PPP1R13L: variants seen among roughly 807,000 people sequenced by gnomAD.
PPP1R13L encodes relA-associated inhibitor.
PPP1R13L carries 50 observed loss-of-function variants against 80.9 expected under a neutral mutation model. That is an observed-to-expected ratio of 0.62 (90% CI 0.49 to 0.78). PPP1R13L has a LOEUF of 0.78. PPP1R13L is among the 30% of genes least tolerant of loss of function. The probability of loss-of-function intolerance (pLI) is 0.00; values close to 1 mark genes in which losing one functional copy is unlikely to be tolerated. For missense variants in PPP1R13L, 1,200 were observed against 1,205.9 expected, an observed-to-expected ratio of 1.00 and a Z score of 0.07; for synonymous variants, 602 against 534.3, an observed-to-expected ratio of 1.13 and a Z score of -1.75.
At position 45,401,301 on chromosome 19, in the gene PPP1R13L, G is replaced by C. The variant is rs566949378; in HGVS notation, c.-21-2962C>G. On this transcript the variant is annotated intron_variant, in intron 1 of 12. Coordinates refer to ENST00000360957, the MANE Select transcript of PPP1R13L (RefSeq NM_006663.4). ...ACCAGGGAGGCGGAGCTTTCAGTGAGCCGAGATCGCGCCACTGCACTCCAG... is the reference window on the plus strand; with the variant it reads ...ACCAGGGAGGCGGAGCTTTCAGTGACCCGAGATCGCGCCACTGCACTCCAG... Among the ~76,000 whole-genome samples, 10 of 149,572 alleles carry C rather than the reference G, an allele frequency of 6.7e-5. No homozygotes were observed. In the South Asian group the frequency reaches 1.9e-3, roughly 28 times the overall value.
chr19:45,387,004 C>T (rs749851857), intron 8 of PPP1R13L, among the ~76,000 whole-genome samples: 3 of 151,526 alleles, frequency 2.0e-5, no homozygotes, highest in Non-Finnish European at 4.4e-5. Flanking sequence ...CGAGGTGGCT[C>T]ATGTCTGTAA....
intron 11 of PPP1R13L, among the ~76,000 whole-genome samples, chr19:45,384,137 G>C (rs1319906042): frequency 6.6e-6 from 1 of 151,234 alleles, no homozygotes; most frequent in African/African-American, 2.4e-5. Context: ...CGGGAGTGCA[G>C]TGGTGAGATC....
At chr19:45,394,755 G>A (rs931638533) in intron 7 of PPP1R13L, 1 of 150,848 alleles carries the variant, frequency 6.6e-6, no homozygotes, top group African/African-American at 2.4e-5. Context: ...TTACAGGTGT[G>A]AGCAACTGCA....
Position 45,401,247 on chromosome 19 carries a change from C to A in PPP1R13L, c.-21-2908G>T, listed in dbSNP as rs1366081282. ...GCGGGCGCCTGTAGTCCCAGCTACT[C>A]GGGAGGCTGAGGCAGGAGAATGGTG... On this transcript the variant is annotated intron_variant, in intron 1 of 12. Transcript: ENST00000360957. Among the ~76,000 whole-genome samples, 4 of 150,366 alleles carry A rather than the reference C, an allele frequency of 2.7e-5. No homozygotes were observed. In the South Asian group the frequency reaches 8.4e-4, roughly 32 times the overall value.
At chr19:45,405,477 C>T (rs1390120301), upstream of PPP1R13L, among the ~76,000 whole-genome samples, 1 of 152,206 alleles carries the variant, frequency 6.6e-6, no homozygotes, top group African/African-American at 2.4e-5. Context: ...AGTTCAAAAT[C>T]TTAGTTTGGA....
Position 45,396,966 on chromosome 19 carries a change from G to T in PPP1R13L, c.291C>A (p.Phe97Leu), listed in dbSNP as rs748655756. ...KAATDGADTP[F>L]GRSESAPTLH... ...GGGTTGGGGCACTCTCTGATCGTCC[G>T]AACGGGGTGTCTGCGCCGTCGGTGG... is the stretch of plus-strand genomic sequence containing the variant. The change falls in exon 4 of 13, where the codon TTC (phenylalanine) becomes TTA (leucine). Residue 97 changes from phenylalanine to leucine, a missense_variant. Phe to Leu is a conservative substitution (Grantham distance 22). Coordinates refer to ENST00000360957, the MANE Select transcript of PPP1R13L (RefSeq NM_006663.4). This position sits in a 1 kb window ranked among gnomAD's most constrained non-coding sequence, Gnocchi z 5.3. 1.4e-6 allele frequency: 2 copies of T among 1,403,000 alleles called. No individual in the cohort carries two copies. Among genetic ancestry groups the T allele is most frequent in the South Asian group, 1.7e-5 (1 of 60,382 alleles). 86.9% of individuals were successfully genotyped at this position (1,403,000 alleles called of 1,614,324 possible).
chr19:45,392,334 G>C lies in PPP1R13L; in HGVS notation c.1361C>G (p.Pro454Arg), dbSNP rs1246744070. ...QTWPPVNEGP[P>R]KPPTELEPEP... ...AGGCTCCAGCTCGGTGGGGGGTTTG[G>C]GGGGTCCTAGCCGGAACAAGAGCCC... The change falls in exon 8 of 13, where the codon CCC (proline) becomes CGC (arginine). Residue 454 changes from proline to arginine, a missense_variant. Pro to Arg is a moderately radical substitution (Grantham distance 103). Coordinates refer to ENST00000360957, the MANE Select transcript of PPP1R13L (RefSeq NM_006663.4). 1 of 1,613,114 alleles carries C rather than the reference G, an allele frequency of 6.2e-7. No individual in the cohort carries two copies. The highest frequency in any genetic ancestry group is 1.3e-5 in the African/African-American group (1 of 74,898).
chr19:45,387,826 C>G (rs1001669014), intron 8 of PPP1R13L, among the ~76,000 whole-genome samples: 1 of 152,154 alleles, frequency 6.6e-6, no homozygotes, highest in African/African-American at 2.4e-5. Flanking sequence ...GCTGGGATTA[C>G]AGGTGTGAGC....
In PPP1R13L at chr19:45,392,173, C is replaced by G; in HGVS notation, c.1522G>C (p.Glu508Gln). The change falls in exon 8 of 13, where the codon GAG (glutamate) becomes CAG (glutamine). Residue 508 changes from glutamate to glutamine, a missense_variant. By Grantham distance (29) the Glu-to-Gln change is conservative (BLOSUM62 2). Coordinates refer to ENST00000360957, the MANE Select transcript of PPP1R13L (RefSeq NM_006663.4). ...PPEAQSVPEL[E>Q]EVARVLAEIP... ...TCCGCCAACACCCGTGCCACCTCCT[C>G]CAGCTCGGGCACCGACTGTGCCTCC... The G allele has an allele frequency of 1.2e-6, 2 of 1,607,118 alleles. No individual in the cohort carries two copies.
chr19:45,401,908 T>C (rs73940019), intron 1 of PPP1R13L: 1 of 152,078 alleles, frequency 6.6e-6, no homozygotes, highest in Non-Finnish European at 1.5e-5. Context: ...AAGACCAACA[T>C]GGCCAACACA....
At chr19:45,394,235 G>C (rs1194229138) in intron 7 of PPP1R13L, among the ~76,000 whole-genome samples, 1 of 151,568 alleles carries the variant, frequency 6.6e-6, no homozygotes. Flanking sequence ...AGGCTTAAAT[G>C]ATCCTCCCAC....
Position 45,382,616 on chromosome 19 carries a change from C to A in PPP1R13L, c.2359G>T (p.Val787Leu). The A allele has an allele frequency of 6.2e-7, 1 of 1,613,768 alleles. No homozygotes were observed. ...LSFREGESVTVLRRDGPEETD... is the reference protein window; with the variant it reads ...LSFREGESVTLLRRDGPEETD... ...TCCTCCGGCCCGTCCCTCCGCAGCACGGTGACCGACTCGCCCTCGCGGAAG... is the reference window on the plus strand; with the variant it reads ...TCCTCCGGCCCGTCCCTCCGCAGCAAGGTGACCGACTCGCCCTCGCGGAAG... Residue 787 changes from valine (V) to leucine (L), a missense_variant, in exon 12 of 13, where the codon GTG becomes TTG. Physicochemically the swap from Val to Leu is conservative, Grantham distance 32. Transcript: ENST00000360957.
intron 8 of PPP1R13L, among the ~76,000 whole-genome samples, chr19:45,389,951 C>G (rs1328220148): frequency 1.3e-5 from 2 of 151,562 alleles, no homozygotes; most frequent in African/African-American, 4.9e-5. Flanking sequence ...CCGCCACCAC[C>G]CCCAGCTAAT....
intron 1 of PPP1R13L, among the ~76,000 whole-genome samples, chr19:45,402,337 A>G (rs975846788): frequency 1.3e-5 from 2 of 152,174 alleles, no homozygotes; most frequent in African/African-American, 2.4e-5. Context: ...CCCCGGCTCG[A>G]TCTCCCAAAG....
At chr19:45,387,037 G>T (rs1972884478) in intron 8 of PPP1R13L, among the ~76,000 whole-genome samples, 1 of 151,906 alleles carries the variant, frequency 6.6e-6, no homozygotes, top group Non-Finnish European at 1.5e-5. Context: ...GGGAGGCTGA[G>T]GTGGGAGGAT....
chr19:45,397,867 G>T, intron 3 of PPP1R13L, 138 bp downstream of exon 3: 1 of 1,148,468 alleles, frequency 8.7e-7, no homozygotes, highest in Non-Finnish European at 1.2e-6. Flanking sequence ...CGCCTGGCCT[G>T]GTCCCCTTTT....
At chr19:45,392,982 A>G (rs1202901330) in intron 7 of PPP1R13L, 2 of 147,586 alleles carry the variant, frequency 1.4e-5, no homozygotes, top group Admixed American at 6.9e-5. Flanking sequence ...CCTGGCCAAC[A>G]TGGTAAAACC....
chr19:45,403,886 G>T (rs1305909699), intron 1 of PPP1R13L, among the ~76,000 whole-genome samples: 1 of 151,982 alleles, frequency 6.6e-6, no homozygotes, highest in African/African-American at 2.4e-5. Flanking sequence ...GGAGGTGCCT[G>T]GTCCTGCCCT....
In PPP1R13L at chr19:45,392,370, A is replaced by G. The variant is rs748299174; in HGVS notation, c.1355-30T>C. 1.1e-5 allele frequency: 17 copies of G among 1,604,900 alleles called. No individual in the cohort carries two copies. The South Asian group carries it at 1.7e-4, about 16-fold the overall frequency. On this transcript the variant is annotated intron_variant, in intron 7 of 12. Coordinates refer to ENST00000360957, the MANE Select transcript of PPP1R13L (RefSeq NM_006663.4). ...CCGGAACAAGAGCCCATCAGAGGAC[A>G]GGTCCCCAGGAGACACCCAACACTC...
Sources: allele counts gnomAD v4.1 joint callset (sites outside exome capture counted in the v4.1 genomes callset), GRCh38; gene constraint gnomAD v4.1.1; non-coding constraint Gnocchi (gnomAD v3.1); transcripts MANE v1.5; gene names NCBI Gene and HGNC (gene_info 2026-07-23, HGNC 2026-07-21).